ANKRD45: variants seen among roughly 807,000 people sequenced by gnomAD.
ANKRD45 encodes ankyrin repeat domain-containing protein 45.
A neutral mutation model predicts 28.1 loss-of-function variants in ANKRD45; 21 were observed. The observed-to-expected ratio is 0.75, with a 90% CI of 0.53 to 1.08. The LOEUF (loss-of-function observed/expected upper bound fraction) is 1.08, where lower values mean the gene tolerates loss of function less well. Ranked by LOEUF, ANKRD45 falls within the 50% of genes least tolerant of loss-of-function variation. ANKRD45 has a pLI of 0.00. For synonymous variants in ANKRD45, 86 were observed against 103.9 expected (o/e 0.83, Z 1.05); for missense variants, 261 against 308.7 (o/e 0.85, Z 1.16).
chr1:173,708,595 C>G, the ANKRD45 span, among the ~76,000 whole-genome samples: 56 of 152,214 alleles, frequency 3.7e-4, no homozygotes, highest in Non-Finnish European at 7.5e-4. Flanking sequence ...CACAAACAAA[C>G]AAAGACACTG....
chr1:173,620,118 A>G (rs550192816), intron 5 of ANKRD45, among the ~76,000 whole-genome samples: 23 of 152,364 alleles, frequency 1.5e-4, no homozygotes, highest in African/African-American at 4.6e-4. Context: ...ATAGATATCT[A>G]CAAAACTCTT....
chr1:173,664,148 C>G (rs1302146108), intron 1 of ANKRD45, among the ~76,000 whole-genome samples: 1 of 152,168 alleles, frequency 6.6e-6, no homozygotes, highest in South Asian at 2.1e-4. Flanking sequence ...AAGAAGGACT[C>G]TAACAGAAGT....
chr1:173,709,986 T>TA, the ANKRD45 span, among the ~76,000 whole-genome samples: 12 of 152,192 alleles, frequency 7.9e-5, no homozygotes, highest in African/African-American at 2.9e-4. Context: ...ATTAAACAAC[T>TA]AATTATGTAA....
intron 1 of ANKRD45, among the ~76,000 whole-genome samples, chr1:173,663,730 C>T (rs1465125550): frequency 6.6e-6 from 1 of 152,090 alleles, no homozygotes; most frequent in African/African-American, 2.4e-5. Context: ...TAATTTAGAC[C>T]ATGAGGTGGT....
At chr1:173,681,112 C>T in the ANKRD45 span, among the ~76,000 whole-genome samples, 10 of 151,620 alleles carry the variant, frequency 6.6e-5, no homozygotes, top group Non-Finnish European at 2.9e-5. Flanking sequence ...CACGTGTACC[C>T]CAGAAGTTAA....
At chr1:173,666,184 G>C (rs148898590) in intron 1 of ANKRD45, among the ~76,000 whole-genome samples, 82 of 152,306 alleles carry the variant, frequency 5.4e-4, no homozygotes, top group African/African-American at 2.0e-3. Context: ...TCTACCTTCA[G>C]GCTCAGGCTG....
chr1:173,708,465 C>A, the ANKRD45 span, among the ~76,000 whole-genome samples: 1 of 152,242 alleles, frequency 6.6e-6, no homozygotes, highest in Non-Finnish European at 1.5e-5. Flanking sequence ...CAGACAGCAG[C>A]CCTTGTCAGA....
the ANKRD45 span, among the ~76,000 whole-genome samples, chr1:173,694,705 A>G: frequency 6.6e-6 from 1 of 151,776 alleles, no homozygotes; most frequent in Non-Finnish European, 1.5e-5. Context: ...TGCATCCCTC[A>G]CCTCCTACCC....
At chr1:173,714,125 CTTAGCCTAGTATACTTACCAGGAAA>C in the ANKRD45 span, among the ~76,000 whole-genome samples, 1 of 152,142 alleles carries the variant, frequency 6.6e-6, no homozygotes, top group Non-Finnish European at 1.5e-5. Flanking sequence ...CTGGTTAATA[CTTAGCCTAGTATACTTACCAGGAAA>C]TCAGCAACAG....
At chr1:173,661,279 C>T (rs1401547347) in intron 1 of ANKRD45, among the ~76,000 whole-genome samples, 1 of 152,034 alleles carries the variant, frequency 6.6e-6, no homozygotes, top group Non-Finnish European at 1.5e-5. Context: ...AACATTTAAG[C>T]TGAGCCATCA....
At chr1:173,709,651 A>G in the ANKRD45 span, among the ~76,000 whole-genome samples, 1 of 150,450 alleles carries the variant, frequency 6.6e-6, no homozygotes, top group African/African-American at 2.4e-5. Context: ...TTTTTCTTTT[A>G]GACAGGGCCT....
At chr1:173,665,996 T>C in intron 1 of ANKRD45, among the ~76,000 whole-genome samples, 1 of 152,166 alleles carries the variant, frequency 6.6e-6, no homozygotes, top group African/African-American at 2.4e-5. Context: ...CCTGGATGAC[T>C]GAGCAAGACC....
chr1:173,712,485 T>C, the ANKRD45 span, among the ~76,000 whole-genome samples: 2 of 152,242 alleles, frequency 1.3e-5, no homozygotes, highest in Non-Finnish European at 2.9e-5. Context: ...ATTGATGAGT[T>C]ACTATAACAT....
the ANKRD45 span, among the ~76,000 whole-genome samples, chr1:173,676,605 T>C: frequency 1.3e-5 from 2 of 152,010 alleles, no homozygotes; most frequent in Non-Finnish European, 1.5e-5. Flanking sequence ...TTAGAGTTTA[T>C]AGCTGATTAT....
At chr1:173,704,849 T>C in the ANKRD45 span, among the ~76,000 whole-genome samples, 1 of 152,148 alleles carries the variant, frequency 6.6e-6, no homozygotes, top group Non-Finnish European at 1.5e-5. Context: ...TTGGGACCAA[T>C]ACTTGTGAAA....
At chr1:173,703,881 T>C in the ANKRD45 span, among the ~76,000 whole-genome samples, 1 of 152,262 alleles carries the variant, frequency 6.6e-6, no homozygotes, top group African/African-American at 2.4e-5. Flanking sequence ...CTGATGATGC[T>C]GACACTTTGA....
chr1:173,692,292 T>A, the ANKRD45 span, among the ~76,000 whole-genome samples: 2 of 152,194 alleles, frequency 1.3e-5, no homozygotes, highest in Non-Finnish European at 2.9e-5. Context: ...TAGGGAGACA[T>A]GAGACATTAA....
chr1:173,613,266 G>A (rs1230152427), intron 5 of ANKRD45, among the ~76,000 whole-genome samples: 4 of 150,532 alleles, frequency 2.7e-5, no homozygotes, highest in South Asian at 2.1e-4. Flanking sequence ...GGTGAGGAGC[G>A]TCTCTGCCCG....
At chr1:173,636,763 A>C (rs1213782670) in intron 3 of ANKRD45, 2 of 1,134,306 alleles carry the variant, frequency 1.8e-6, no homozygotes. Context: ...ATTATTAACT[A>C]TACTATAGTA....
Sources: gnomAD v4.1 joint callset for allele counts (sites outside exome capture counted in the v4.1 genomes callset) on GRCh38, gnomAD v4.1.1 for gene constraint, MANE v1.5 for transcripts, NCBI Gene and HGNC (gene_info 2026-07-23, HGNC 2026-07-21) for gene names.